The following CEPT1 variants were observed in gnomAD, a reference collection of about 807,000 sequenced individuals.
CEPT1 encodes the protein choline/ethanolaminephosphotransferase 1.
CEPT1 carries 7 observed loss-of-function variants against 42.6 expected under a neutral mutation model. The observed-to-expected ratio is 0.16, with a 90% CI of 0.09 to 0.31. The LOEUF (loss-of-function observed/expected upper bound fraction) is 0.31, where lower values mean the gene tolerates loss of function less well. CEPT1 is among the 10% of genes least tolerant of loss of function. The probability of loss-of-function intolerance (pLI) is 1.00; values close to 1 mark genes in which losing one functional copy is unlikely to be tolerated. For missense variants in CEPT1, 306 were observed against 502.1 expected (o/e 0.61, Z 3.73); for synonymous variants, 171 against 171.9 (o/e 0.99, Z 0.04).
Position 111,173,435 on chromosome 1 carries a change from A to G in CEPT1, c.630-1444A>G, listed in dbSNP as rs573439430. Among the ~76,000 whole-genome samples the G allele has an allele frequency of 2.0e-3, 297 of 152,250 alleles. 1 individual carries two copies. Among genetic ancestry groups the G allele is most frequent in the African/African-American group, 6.9e-3 (287 of 41,546 alleles). ...GCAAGACATTAGTTTCAACCCAGTT[A>G]TTTATCACAGCATGACAGCTTATGT... On this transcript the variant is annotated intron_variant, in intron 4 of 8. Transcript: ENST00000357172.
intron 4 of CEPT1, among the ~76,000 whole-genome samples, chr1:111,171,633 G>C (rs1656417160): frequency 1.3e-5 from 2 of 152,242 alleles, no homozygotes; most frequent in African/African-American, 4.8e-5. Flanking sequence ...AGTAATTTAA[G>C]TGTATCCTGA....
intron 2 of CEPT1, among the ~76,000 whole-genome samples, chr1:111,149,700 G>A (rs1389115748): frequency 6.6e-6 from 1 of 152,134 alleles, no homozygotes; most frequent in African/African-American, 2.4e-5. Flanking sequence ...CTGAGAATTT[G>A]ACTGCTACTC....
At chr1:111,162,101 A>T (rs1448268832) in intron 4 of CEPT1, among the ~76,000 whole-genome samples, 1 of 152,236 alleles carries the variant, frequency 6.6e-6, no homozygotes, top group Non-Finnish European at 1.5e-5. Context: ...GAGAAGATCC[A>T]GAAAATCAAG....
At chr1:111,182,761 T>C (rs1175586076) in intron 6 of CEPT1, 38 bp from the exon 7 acceptor site, 2 of 1,562,184 alleles carry the variant, frequency 1.3e-6, no homozygotes, top group East Asian at 2.3e-5. Context: ...ATCTGATGAG[T>C]ACTGAATACT....
At chr1:111,173,735 T>C (rs923573015) in intron 4 of CEPT1, among the ~76,000 whole-genome samples, 4 of 152,186 alleles carry the variant, frequency 2.6e-5, no homozygotes, top group African/African-American at 9.7e-5. Context: ...TTCCAGAAAT[T>C]TGTTATGCAA....
intron 2 of CEPT1, among the ~76,000 whole-genome samples, chr1:111,152,831 C>A (rs1655355367): frequency 6.6e-6 from 1 of 152,016 alleles, no homozygotes; most frequent in South Asian, 2.1e-4. Context: ...CCGCCAAAAT[C>A]TTAGGAGTAT....
At chr1:111,143,503 TC>T (rs1434271548) in intron 1 of CEPT1, 2 of 152,246 alleles carry the variant, frequency 1.3e-5, no homozygotes, top group African/African-American at 2.4e-5. Context: ...CATGTCAGCC[TC>T]ATTCACTGCA....
intron 4 of CEPT1, among the ~76,000 whole-genome samples, chr1:111,173,624 G>C (rs1235522936): frequency 1.3e-5 from 2 of 151,994 alleles, no homozygotes; most frequent in Non-Finnish European, 2.9e-5. Flanking sequence ...ATTATAAAAA[G>C]GTATACAGTG....
At chr1:111,154,985 G>A (rs146651270) in intron 2 of CEPT1, among the ~76,000 whole-genome samples, 1,764 of 152,232 alleles carry the variant, frequency 0.012, 13 homozygotes, top group Non-Finnish European at 0.016. Context: ...TGATGTCAGG[G>A]TAATGCTGGT....
intron 5 of CEPT1, chr1:111,179,599 T>C (rs1353737808): frequency 6.6e-6 from 1 of 152,186 alleles, no homozygotes; most frequent in Non-Finnish European, 1.5e-5. Flanking sequence ...ACTTTGTGTT[T>C]TTTATAAGTA....
At chr1:111,169,876 G>T (rs1024548114) in intron 4 of CEPT1, among the ~76,000 whole-genome samples, 3 of 152,064 alleles carry the variant, frequency 2.0e-5, no homozygotes, top group Non-Finnish European at 4.4e-5. Flanking sequence ...AAAACACTCC[G>T]GTTTCTCTTC....
chr1:111,183,064 C>T, intron 7 of CEPT1, 107 bp downstream of exon 7: 2 of 1,097,000 alleles, frequency 1.8e-6, no homozygotes, highest in Non-Finnish European at 2.6e-6. Context: ...AGAGTTTGCC[C>T]TCTTCTAATC....
chr1:111,151,302 T>C (rs1490877515), intron 2 of CEPT1, among the ~76,000 whole-genome samples: 1 of 152,184 alleles, frequency 6.6e-6, no homozygotes, highest in African/African-American at 2.4e-5. Context: ...ATTTGTATTT[T>C]TAGCAGAGAC....
At chr1:111,159,800 T>A (rs964309909) in intron 3 of CEPT1, 1 of 270,806 alleles carries the variant, frequency 3.7e-6, no homozygotes, top group Non-Finnish European at 7.0e-6. Context: ...CCATCAAAAC[T>A]CTTATGAACT....
intron 3 of CEPT1, 178 bp downstream of exon 3, chr1:111,159,705 T>C (rs1020702798): frequency 2.1e-6 from 1 of 466,982 alleles, no homozygotes; most frequent in African/African-American, 2.1e-5. Flanking sequence ...TTAGGAAATT[T>C]AGAAATTACT....
At chr1:111,158,382 T>C (rs1212020083) in intron 2 of CEPT1, among the ~76,000 whole-genome samples, 3 of 152,088 alleles carry the variant, frequency 2.0e-5, no homozygotes, top group Non-Finnish European at 2.9e-5. Context: ...ATTAATTAAT[T>C]TAATACCAGC....
intron 2 of CEPT1, among the ~76,000 whole-genome samples, chr1:111,148,375 C>CA (rs34084366): frequency 0.033 from 2,458 of 74,888 alleles, 51 homozygotes; most frequent in African/African-American, 0.087. Flanking sequence ...AAAGTCTTAG[C>CA]AAAAAAAAAA....
At position 111,166,936 on chromosome 1, in the gene CEPT1, G is replaced by GTATGTA. The variant is rs1315978161; in HGVS notation, c.629+5643_629+5648dup. ...CTTGATTTGGATAAGAACTATGTAT[G>GTATGTA]TATGTATAAGGATAGTATAGTACTG... On this transcript the variant is annotated intron_variant, in intron 4 of 8. Transcript: ENST00000357172. 2.6e-5 allele frequency among the ~76,000 whole-genome samples: 4 copies of GTATGTA among 152,270 alleles called. No individual in the cohort carries two copies. The East Asian group carries it at 7.7e-4, about 29-fold the overall frequency.
chr1:111,164,956 CAT>C (rs929589472), intron 4 of CEPT1, among the ~76,000 whole-genome samples: 1 of 148,824 alleles, frequency 6.7e-6, no homozygotes, highest in African/African-American at 2.5e-5. Flanking sequence ...AACTTGTAGA[CAT>C]ATATATATAG....
Sources: allele counts gnomAD v4.1 joint callset (sites outside exome capture counted in the v4.1 genomes callset), GRCh38; gene constraint gnomAD v4.1.1; transcripts MANE v1.5; gene names NCBI Gene and HGNC (gene_info 2026-07-23, HGNC 2026-07-21).